The following CWC27 variants were observed in gnomAD, a reference collection of about 807,000 sequenced individuals.
CWC27 encodes the protein spliceosome-associated protein CWC27 homolog.
Under a neutral mutation model 63.6 loss-of-function variants are expected in CWC27, and 47 were observed. The ratio of observed to expected loss-of-function variants is 0.74; its 90% CI spans 0.58 to 0.94. The LOEUF is 0.94. Ranked by LOEUF, CWC27 falls within the 40% of genes least tolerant of loss-of-function variation. The probability of loss-of-function intolerance (pLI) is 0.00; values close to 1 mark genes in which losing one functional copy is unlikely to be tolerated. For missense variants in CWC27, 495 were observed against 554.3 expected (o/e 0.89, Z 1.07); for synonymous variants, 175 against 179.8 (o/e 0.97, Z 0.22).
chr5:64,846,140 C>T (rs1182566335), intron 10 of CWC27, among the ~76,000 whole-genome samples: 1 of 151,714 alleles, frequency 6.6e-6, no homozygotes, highest in Non-Finnish European at 1.5e-5. Context: ...CCCAGCAAAG[C>T]TATCTTTCAT....
At chr5:64,795,259 T>G (rs1213888327) in intron 7 of CWC27, among the ~76,000 whole-genome samples, 2 of 152,214 alleles carry the variant, frequency 1.3e-5, no homozygotes, top group African/African-American at 2.4e-5. Flanking sequence ...TGTTTCTGCC[T>G]TATCAAATTG....
chr5:64,933,556 G>A (rs1454197198), intron 11 of CWC27, among the ~76,000 whole-genome samples: 3 of 149,234 alleles, frequency 2.0e-5, no homozygotes, highest in Non-Finnish European at 4.4e-5. Context: ...ACAGTGGCGC[G>A]ATCTCGGCTC....
intron 13 of CWC27, among the ~76,000 whole-genome samples, chr5:64,999,127 CAT>C (rs1749688091): frequency 6.6e-6 from 1 of 151,934 alleles, no homozygotes; most frequent in Non-Finnish European, 1.5e-5. Flanking sequence ...TGTGTCTCTT[CAT>C]ATGAGTTACT....
chr5:64,864,114 C>T (rs565680966), intron 10 of CWC27, among the ~76,000 whole-genome samples: 7 of 152,196 alleles, frequency 4.6e-5, no homozygotes, highest in Admixed American at 6.5e-5. Flanking sequence ...ATAACAATTG[C>T]GATAGTCACC....
intron 1 of CWC27, among the ~76,000 whole-genome samples, chr5:64,771,001 T>A (rs370279434): frequency 6.6e-5 from 10 of 152,302 alleles, no homozygotes; most frequent in African/African-American, 2.4e-4. Context: ...ATTGACTCAG[T>A]TGTCATGAGT....
At chr5:64,971,667 T>G in intron 11 of CWC27, 36 bp from the exon 12 acceptor site, 1 of 1,493,478 alleles carries the variant, frequency 6.7e-7, no homozygotes, top group Non-Finnish European at 9.1e-7. Context: ...AGAGCTATTT[T>G]ACTGCTTATT....
intron 10 of CWC27, chr5:64,845,030 G>A (rs983329091): frequency 2.2e-6 from 1 of 456,712 alleles, no homozygotes; most frequent in South Asian, 1.5e-5. Flanking sequence ...CTGGCCTGAT[G>A]AGAAGCCATC....
intron 11 of CWC27, among the ~76,000 whole-genome samples, chr5:64,962,195 A>G (rs2112434592): frequency 6.6e-6 from 1 of 152,362 alleles, no homozygotes; most frequent in South Asian, 2.1e-4. Flanking sequence ...CTGTTCTGGC[A>G]ACATGGACTG....
intron 10 of CWC27, among the ~76,000 whole-genome samples, chr5:64,860,218 G>A (rs1004892376): frequency 2.6e-5 from 4 of 151,920 alleles, no homozygotes; most frequent in African/African-American, 7.3e-5. Context: ...TTATTTATTT[G>A]CTGATATTTA....
chr5:64,771,860 G>A (rs571964221), intron 1 of CWC27, among the ~76,000 whole-genome samples: 65 of 152,272 alleles, frequency 4.3e-4, no homozygotes, highest in Non-Finnish European at 7.9e-4. Context: ...AAAAGATTAA[G>A]AAACCCTGGT....
At chr5:64,841,571 C>T (rs1378676625) in intron 10 of CWC27, among the ~76,000 whole-genome samples, 2 of 152,200 alleles carry the variant, frequency 1.3e-5, no homozygotes, top group Admixed American at 1.3e-4. Context: ...TACATCTAGT[C>T]AGTCACCAAA....
At chr5:64,806,586 A>G (rs1744680971) in intron 10 of CWC27, among the ~76,000 whole-genome samples, 1 of 152,208 alleles carries the variant, frequency 6.6e-6, no homozygotes, top group African/African-American at 2.4e-5. Context: ...ATAGAGGAGA[A>G]AGTACAGAAT....
At chr5:64,842,407 G>C (rs13154479) in intron 10 of CWC27, among the ~76,000 whole-genome samples, 1 of 149,230 alleles carries the variant, frequency 6.7e-6, no homozygotes, top group South Asian at 2.1e-4. Flanking sequence ...GGGTTCAAGC[G>C]ATTCTCCTGC....
intron 13 of CWC27, among the ~76,000 whole-genome samples, chr5:65,011,963 T>A (rs1357709192): frequency 6.6e-6 from 1 of 152,202 alleles, no homozygotes; most frequent in East Asian, 1.9e-4. Context: ...AATTAATGCT[T>A]TTTCTTTTTT....
intron 9 of CWC27, among the ~76,000 whole-genome samples, chr5:64,803,116 G>C (rs1274674662): frequency 1.3e-5 from 2 of 152,114 alleles, no homozygotes; most frequent in South Asian, 4.1e-4. Context: ...TCTGCAATGA[G>C]GGCTAGAATT....
chr5:64,810,343 T>G (rs1181757441), intron 10 of CWC27, among the ~76,000 whole-genome samples: 1 of 152,174 alleles, frequency 6.6e-6, no homozygotes, highest in Non-Finnish European at 1.5e-5. Flanking sequence ...CCTCCCACTT[T>G]GTTCTTTTTG....
At chr5:64,780,643 A>G (rs771863809) in intron 2 of CWC27, among the ~76,000 whole-genome samples, 36 of 147,532 alleles carry the variant, frequency 2.4e-4, no homozygotes, top group Admixed American at 2.1e-3. Context: ...ACACTTATAA[A>G]TTATATATTA....
intron 11 of CWC27, among the ~76,000 whole-genome samples, chr5:64,928,235 T>A (rs1393437564): frequency 6.6e-6 from 1 of 152,194 alleles, no homozygotes; most frequent in African/African-American, 2.4e-5. Flanking sequence ...AACTTGATTC[T>A]TTTTCTTATC....
At chr5:64,970,956 G>A (rs368456594) in intron 11 of CWC27, among the ~76,000 whole-genome samples, 1 of 103,338 alleles carries the variant, frequency 9.7e-6, no homozygotes, top group South Asian at 3.7e-4. Flanking sequence ...AGAGAGAGAG[G>A]GAGTGTGTGT....
Sources: gnomAD v4.1 joint callset for allele counts (sites outside exome capture counted in the v4.1 genomes callset) on GRCh38, gnomAD v4.1.1 for gene constraint, MANE v1.5 for transcripts, NCBI Gene and HGNC (gene_info 2026-07-23, HGNC 2026-07-21) for gene names.